Variants in RARB observed in about 807,000 individuals in gnomAD.
RARB encodes retinoic acid receptor beta.
In RARB, 17 loss-of-function variants were observed where a neutral mutation model predicts 51.9. The observed-to-expected ratio is 0.33, with a 90% CI of 0.22 to 0.49. The LOEUF is 0.49. Among genes scored for constraint, RARB ranks in the 20% least tolerant of loss-of-function variants. The pLI is 0.99. For missense variants in RARB, 369 were observed against 550.8 expected, an observed-to-expected ratio of 0.67 and a Z score of 3.30; for synonymous variants, 215 against 195.4, an observed-to-expected ratio of 1.10 and a Z score of -0.84.
chr3:24,884,876 C>CTG (rs1292785911), intron 2 of RARB, among the ~76,000 whole-genome samples: 3 of 152,110 alleles, frequency 2.0e-5, no homozygotes, highest in Non-Finnish European at 2.9e-5. Flanking sequence ...TGTGATGTGA[C>CTG]TGTCAAATGT....
At chr3:25,006,770 T>C (rs1056763256) in intron 2 of RARB, among the ~76,000 whole-genome samples, 1 of 152,192 alleles carries the variant, frequency 6.6e-6, no homozygotes, top group Non-Finnish European at 1.5e-5. Flanking sequence ...AGACCACTGT[T>C]ACTCCAGGAG....
chr3:25,252,454 T>C (rs536635166), intron 5 of RARB, among the ~76,000 whole-genome samples: 2 of 152,224 alleles, frequency 1.3e-5, no homozygotes, highest in African/African-American at 4.8e-5. Context: ...TGTCATGTAA[T>C]GATATTGTCT....
chr3:25,067,089 C>T (rs1306882842), intron 3 of RARB, among the ~76,000 whole-genome samples: 2 of 152,148 alleles, frequency 1.3e-5, no homozygotes, highest in African/African-American at 4.8e-5. Context: ...TATAGACTGA[C>T]ATACACCCAC....
chr3:25,435,201 ATGTTGT>A (rs201861919), intron 1 of RARB, among the ~76,000 whole-genome samples: 1 of 152,198 alleles, frequency 6.6e-6, no homozygotes, highest in East Asian at 1.9e-4. Flanking sequence ...AATGTTTGCT[ATGTTGT>A]TGTTGATAAA....
chr3:25,095,344 G>C (rs1031330546), intron 3 of RARB, among the ~76,000 whole-genome samples: 1 of 152,138 alleles, frequency 6.6e-6, no homozygotes, highest in African/African-American at 2.4e-5. Flanking sequence ...TATGATCCCT[G>C]GACCAGCAAC....
At chr3:25,436,106 T>A (rs529129683) in intron 1 of RARB, among the ~76,000 whole-genome samples, 21 of 152,346 alleles carry the variant, frequency 1.4e-4, no homozygotes, top group African/African-American at 4.8e-4. Context: ...AGGGGTTTCA[T>A]ATGCTTTTTT....
intron 1 of RARB, among the ~76,000 whole-genome samples, chr3:25,436,366 G>A (rs1245669259): frequency 1.3e-5 from 2 of 152,176 alleles, no homozygotes; most frequent in Non-Finnish European, 2.9e-5. Flanking sequence ...CAGATGACTG[G>A]CAGATAAAGG....
chr3:25,488,921 T>C (rs34502886), intron 2 of RARB, among the ~76,000 whole-genome samples: 70,961 of 152,072 alleles, frequency 0.47, 18,349 homozygotes, highest in South Asian at 0.65. Flanking sequence ...GAGACTGTTT[T>C]TCCCCTTCTC....
chr3:25,054,418 G>T (rs1336685996), intron 2 of RARB, among the ~76,000 whole-genome samples: 1 of 152,116 alleles, frequency 6.6e-6, no homozygotes, highest in Non-Finnish European at 1.5e-5. Flanking sequence ...AGTCCTGAGG[G>T]AGCTGAATGT....
In RARB at chr3:24,883,356, T is replaced by TTGTGTGTGTGTGTGTG. The variant is rs3057218; in HGVS notation, c.-380+24628_-380+24643dup. Among the ~76,000 whole-genome samples, 336 of 143,762 alleles carry TTGTGTGTGTGTGTGTG rather than the reference T, an allele frequency of 2.3e-3. 1 individual carries two copies. Among genetic ancestry groups the TTGTGTGTGTGTGTGTG allele is most frequent in the African/African-American group, 3.2e-3 (127 of 39,518 alleles). The allele number at this position is 143,762 out of a possible 152,430, so 94.3% of individuals were successfully genotyped here. A position where few individuals can be genotyped will look rare whatever the true frequency, so the allele number is the denominator to read the frequency against. On this transcript the variant is annotated intron_variant, in intron 2 of 11. Transcript: ENST00000383772. The stretch of plus-strand genomic sequence containing the variant: ...TTTGAAGCCAGACTTTCAACAATCA[T>TTGTGTGTGTGTGTGTG]TGTGTGTGTGTGTGTGTGTGTGTGT...
At position 25,530,238 on chromosome 3, in the gene RARB, G is replaced by A. The variant is rs187936256; in HGVS notation, c.448+28915G>A. 4.1e-3 allele frequency among the ~76,000 whole-genome samples: 618 copies of A among 152,294 alleles called. 3 individuals carry two copies. Among genetic ancestry groups the A allele is most frequent in the African/African-American group, 0.014 (566 of 41,540 alleles). On this transcript the variant is annotated intron_variant, in intron 3 of 7. Coordinates refer to ENST00000330688, the MANE Select transcript of RARB (RefSeq NM_000965.5). ...TGCAGGAATCCCCTTTGATTCCGTAGGGGGAAAAACAATGGGAAGAAATGG... is the reference window on the plus strand; with the variant it reads ...TGCAGGAATCCCCTTTGATTCCGTAAGGGGAAAAACAATGGGAAGAAATGG...
chr3:25,299,751 G>A (rs1340729572), intron 5 of RARB, among the ~76,000 whole-genome samples: 1 of 149,202 alleles, frequency 6.7e-6, no homozygotes, highest in Non-Finnish European at 1.5e-5. Flanking sequence ...AAGGTCTGTG[G>A]CACCAAAAAA....
intron 5 of RARB, among the ~76,000 whole-genome samples, chr3:25,396,046 G>T (rs1285464999): frequency 2.0e-5 from 3 of 152,190 alleles, no homozygotes; most frequent in Non-Finnish European, 2.9e-5. Context: ...TTGTCCCACA[G>T]GGTGATCCCT....
chr3:25,458,439 T>C (rs1695018671), intron 1 of RARB: 1 of 152,218 alleles, frequency 6.6e-6, no homozygotes, highest in South Asian at 2.1e-4. Flanking sequence ...TAATAGACAG[T>C]GATACATTGT....
chr3:25,432,559 A>C (rs1454600083), intron 1 of RARB, among the ~76,000 whole-genome samples: 1 of 152,192 alleles, frequency 6.6e-6, no homozygotes, highest in Non-Finnish European at 1.5e-5. Context: ...CCTGGCGCTG[A>C]TATATACAAC....
intron 2 of RARB, among the ~76,000 whole-genome samples, chr3:24,957,321 G>A (rs565320827): frequency 3.9e-5 from 6 of 152,212 alleles, no homozygotes; most frequent in African/African-American, 1.4e-4. Flanking sequence ...TCCTTCCCTA[G>A]GAAATGTAAA....
intron 2 of RARB, among the ~76,000 whole-genome samples, chr3:24,860,348 T>C (rs1339315004): frequency 1.3e-5 from 2 of 152,214 alleles, no homozygotes; most frequent in Admixed American, 6.5e-5. Flanking sequence ...CTCAGCCTTC[T>C]TTTAGTTCTT....
At chr3:25,531,746 A>G (rs1022611131) in intron 3 of RARB, among the ~76,000 whole-genome samples, 2 of 150,982 alleles carry the variant, frequency 1.3e-5, no homozygotes, top group African/African-American at 2.4e-5. Context: ...AAAAAAGCAG[A>G]TACCACTTTC....
intron 5 of RARB, among the ~76,000 whole-genome samples, chr3:25,247,169 C>A (rs889356082): frequency 1.3e-5 from 2 of 152,200 alleles, no homozygotes; most frequent in Non-Finnish European, 2.9e-5. Flanking sequence ...GATGCCCTTC[C>A]CCCACCAAGC....
Sources: allele counts gnomAD v4.1 joint callset (sites outside exome capture counted in the v4.1 genomes callset), GRCh38; gene constraint gnomAD v4.1.1; transcripts MANE v1.5; gene names NCBI Gene and HGNC (gene_info 2026-07-23, HGNC 2026-07-21).